The following EFNA5 variants were observed in gnomAD, a reference collection of about 807,000 sequenced individuals.
EFNA5 encodes the protein ephrin A5.
A neutral mutation model predicts 22.9 loss-of-function variants in EFNA5; 5 were observed. The ratio of observed to expected loss-of-function variants is 0.22; its 90% CI spans 0.11 to 0.46. The LOEUF (loss-of-function observed/expected upper bound fraction) is 0.46, where lower values mean the gene tolerates loss of function less well. Among genes scored for constraint, EFNA5 ranks in the 20% least tolerant of loss-of-function variants. The pLI is 0.99. For missense variants in EFNA5, 237 were observed against 293.3 expected, an observed-to-expected ratio of 0.81 and a Z score of 1.40; for synonymous variants, 113 against 112.2, an observed-to-expected ratio of 1.01 and a Z score of -0.04.
At chr5:107,447,143 G>C (rs531722385) in intron 1 of EFNA5, among the ~76,000 whole-genome samples, 1 of 152,140 alleles carries the variant, frequency 6.6e-6, no homozygotes, top group African/African-American at 2.4e-5. Flanking sequence ...TATGAGAAAG[G>C]GGCCTCAGGA....
chr5:107,535,383 A>G (rs1001178932), intron 1 of EFNA5, among the ~76,000 whole-genome samples: 1 of 152,210 alleles, frequency 6.6e-6, no homozygotes, highest in African/African-American at 2.4e-5. Context: ...ACTTCCAAAT[A>G]ATCTTCCTCC....
At chr5:107,576,096 T>C (rs1405360682) in intron 1 of EFNA5, among the ~76,000 whole-genome samples, 6 of 152,228 alleles carry the variant, frequency 3.9e-5, no homozygotes, top group African/African-American at 1.2e-4. Flanking sequence ...TTAAGCTAAA[T>C]GTCTAGTTCT....
intron 1 of EFNA5, among the ~76,000 whole-genome samples, chr5:107,563,295 T>C (rs1263862065): frequency 2.0e-5 from 3 of 152,192 alleles, no homozygotes; most frequent in African/African-American, 7.2e-5. Flanking sequence ...CACCCCACTT[T>C]CCTGCCCCAT....
intron 1 of EFNA5, among the ~76,000 whole-genome samples, chr5:107,485,606 A>C (rs896744400): frequency 1.3e-5 from 2 of 152,248 alleles, no homozygotes; most frequent in Middle Eastern, 3.4e-3. Flanking sequence ...CTTCCTATGG[A>C]TTATGTTCAA....
At chr5:107,660,276 ATAT>A (rs1561462879) in intron 1 of EFNA5, among the ~76,000 whole-genome samples, 1,905 of 56,462 alleles carry the variant, frequency 0.034, 72 homozygotes, top group Admixed American at 0.058. Context: ...ATATATATAT[ATAT>A]ATATATATAT....
At chr5:107,554,284 T>C (rs1447221588) in intron 1 of EFNA5, among the ~76,000 whole-genome samples, 1 of 152,136 alleles carries the variant, frequency 6.6e-6, no homozygotes, top group Non-Finnish European at 1.5e-5. Flanking sequence ...CACTAGAATA[T>C]AAACAGATGT....
chr5:107,662,916 A>G (rs1452818041), intron 1 of EFNA5, among the ~76,000 whole-genome samples: 4 of 152,084 alleles, frequency 2.6e-5, no homozygotes, highest in Non-Finnish European at 5.9e-5. Context: ...GAAGTTAGCC[A>G]TAAAGTATAA....
chr5:107,554,069 T>C (rs1561431171), intron 1 of EFNA5, among the ~76,000 whole-genome samples: 1 of 152,210 alleles, frequency 6.6e-6, no homozygotes. Flanking sequence ...AGAATAATTT[T>C]ATGATAAAAA....
intron 1 of EFNA5, among the ~76,000 whole-genome samples, chr5:107,636,217 A>C (rs954980032): frequency 2.0e-5 from 3 of 152,200 alleles, no homozygotes; most frequent in African/African-American, 7.2e-5. Flanking sequence ...ACTCTCCTCA[A>C]GAGGTATTCC....
chr5:107,635,304 T>C (rs887122855), intron 1 of EFNA5, among the ~76,000 whole-genome samples: 11 of 152,254 alleles, frequency 7.2e-5, no homozygotes, highest in African/African-American at 2.7e-4. Context: ...CTCCTTATAA[T>C]TTTTAGCCCA....
At chr5:107,606,451 C>T (rs935371663) in intron 1 of EFNA5, among the ~76,000 whole-genome samples, 1 of 151,558 alleles carries the variant, frequency 6.6e-6, no homozygotes, top group Admixed American at 6.6e-5. Context: ...GCCATCTATC[C>T]ATCTACCTGT....
intron 2 of EFNA5, among the ~76,000 whole-genome samples, chr5:107,393,698 T>C (rs894884111): frequency 2.3e-4 from 35 of 152,216 alleles, no homozygotes; most frequent in Non-Finnish European, 4.6e-4. Flanking sequence ...CCAGTTTTTT[T>C]CCCTGTAGGT....
rs544969526 is a variant in EFNA5, at chr5:107,564,270, T to C, written c.125+106219A>G. On this transcript the variant is annotated intron_variant, in intron 1 of 4. Coordinates refer to ENST00000333274, the MANE Select transcript of EFNA5 (RefSeq NM_001962.3). The stretch of plus-strand genomic sequence containing the variant: ...AAATTACTGTTAAAGGCAGAACTTC[T>C]TGTCTCTGTCTTGGCTCCTAGCCTT... 7.9e-5 allele frequency among the ~76,000 whole-genome samples: 12 copies of C among 152,340 alleles called. No individual in the cohort carries two copies. In the South Asian group the frequency reaches 2.5e-3, roughly 32 times the overall value.
chr5:107,613,945 G>A (rs1749867818), intron 1 of EFNA5, among the ~76,000 whole-genome samples: 2 of 151,986 alleles, frequency 1.3e-5, no homozygotes, highest in Admixed American at 1.3e-4. Flanking sequence ...AAAATATAAG[G>A]ATAATTAAAC....
chr5:107,527,854 C>T (rs1307360359), intron 1 of EFNA5, among the ~76,000 whole-genome samples: 5 of 152,094 alleles, frequency 3.3e-5, no homozygotes, highest in African/African-American at 1.2e-4. Flanking sequence ...CTGACAACAA[C>T]CACGTCAGGG....
intron 1 of EFNA5, among the ~76,000 whole-genome samples, chr5:107,659,829 G>A (rs769795560): frequency 6.6e-6 from 1 of 151,970 alleles, no homozygotes; most frequent in African/African-American, 2.4e-5. Flanking sequence ...ATATTACAAA[G>A]GAAGAACGCT....
intron 1 of EFNA5, among the ~76,000 whole-genome samples, chr5:107,466,225 T>C (rs1749976827): frequency 6.6e-6 from 1 of 152,114 alleles, no homozygotes; most frequent in Admixed American, 6.6e-5. Context: ...AGTTCCACTG[T>C]GGATTTAGAG....
intron 1 of EFNA5, among the ~76,000 whole-genome samples, chr5:107,545,800 A>G (rs970781105): frequency 1.3e-5 from 2 of 152,204 alleles, no homozygotes; most frequent in African/African-American, 4.8e-5. Context: ...TGCACAGACC[A>G]AAAGCAACTC....
intron 2 of EFNA5, among the ~76,000 whole-genome samples, chr5:107,397,368 G>T (rs1747955894): frequency 6.6e-6 from 1 of 152,154 alleles, no homozygotes; most frequent in Non-Finnish European, 1.5e-5. Flanking sequence ...TGCCAAGATG[G>T]TGAAATCCCA....
Sources: allele counts gnomAD v4.1 joint callset (sites outside exome capture counted in the v4.1 genomes callset), GRCh38; gene constraint gnomAD v4.1.1; transcripts MANE v1.5; gene names NCBI Gene and HGNC (gene_info 2026-07-23, HGNC 2026-07-21).